The following PBX3 variants were observed in gnomAD, a reference collection of about 807,000 sequenced individuals.
PBX3 encodes PBX homeobox 3.
PBX3 carries 14 observed loss-of-function variants against 48.5 expected under a neutral mutation model. The observed-to-expected ratio is 0.29, with a 90% CI of 0.19 to 0.45. The LOEUF (loss-of-function observed/expected upper bound fraction) is 0.45. PBX3 is among the 20% of genes least tolerant of loss of function. The pLI is 1.00. For missense variants in PBX3, 386 were observed against 546.7 expected (o/e 0.71, Z 2.93); for synonymous variants, 210 against 200.3 (o/e 1.05, Z -0.41).
At chr9:125,752,340 G>A (rs1836398529) in intron 2 of PBX3, among the ~76,000 whole-genome samples, 1 of 152,110 alleles carries the variant, frequency 6.6e-6, no homozygotes, top group Admixed American at 6.6e-5. Flanking sequence ...TGGTTGGGCT[G>A]GTTGAAGTAT....
chr9:125,764,777 T>C (rs938255791), intron 2 of PBX3, among the ~76,000 whole-genome samples: 5 of 152,200 alleles, frequency 3.3e-5, no homozygotes, highest in Admixed American at 6.5e-5. Flanking sequence ...GGGACAGTTA[T>C]AGTAGATTTA....
chr9:125,836,592 G>A (rs891861242), intron 2 of PBX3, among the ~76,000 whole-genome samples: 7 of 152,118 alleles, frequency 4.6e-5, no homozygotes, highest in Admixed American at 3.9e-4. Flanking sequence ...GTGTTTGGTA[G>A]CTCAGTAGGG....
intron 2 of PBX3, among the ~76,000 whole-genome samples, chr9:125,835,723 A>G (rs1478710269): frequency 1.3e-5 from 2 of 152,226 alleles, no homozygotes; most frequent in African/African-American, 2.4e-5. Flanking sequence ...ACATGCTGGC[A>G]AGGATGTAGA....
intron 3 of PBX3, among the ~76,000 whole-genome samples, chr9:125,924,575 CTTTGAA>C (rs1841530008): frequency 6.6e-6 from 1 of 152,198 alleles, no homozygotes; most frequent in Non-Finnish European, 1.5e-5. Context: ...CTGGTTTTCA[CTTTGAA>C]TGGCTCTTGT....
chr9:125,800,968 A>T (rs900103246), intron 2 of PBX3, among the ~76,000 whole-genome samples: 1 of 151,776 alleles, frequency 6.6e-6, no homozygotes, highest in Non-Finnish European at 1.5e-5. Flanking sequence ...GGCCAGGCTG[A>T]TCTCGAACTC....
chr9:125,809,082 A>C (rs1388010302), intron 2 of PBX3, among the ~76,000 whole-genome samples: 1 of 152,242 alleles, frequency 6.6e-6, no homozygotes, highest in Non-Finnish European at 1.5e-5. Flanking sequence ...GCACAAAATT[A>C]CAAAAAACCT....
At chr9:125,841,842 G>C (rs1839297034) in intron 2 of PBX3, among the ~76,000 whole-genome samples, 1 of 152,176 alleles carries the variant, frequency 6.6e-6, no homozygotes, top group Non-Finnish European at 1.5e-5. Flanking sequence ...GTAAACTGCA[G>C]TATTGGTTTA....
intron 2 of PBX3, among the ~76,000 whole-genome samples, chr9:125,909,908 A>C (rs1401716173): frequency 6.6e-6 from 1 of 152,102 alleles, no homozygotes; most frequent in Non-Finnish European, 1.5e-5. Context: ...CTTGAGTGAG[A>C]AGGTTTTGCA....
Position 125,767,003 on chromosome 9 carries a change from C to T in PBX3, c.274+18380C>T, listed in dbSNP as rs1323999823. 1.4e-4 allele frequency among the ~76,000 whole-genome samples: 21 copies of T among 152,128 alleles called. 1 individual carries two copies. Among genetic ancestry groups the T allele is most frequent in the Admixed American group, 1.4e-3 (21 of 15,252 alleles). Reference sequence around the variant, plus strand: ...AGACTTACTTGACTTCTCTGTGTTACAGTCATTGTTGAACTGTTTACTTCC... The same window carrying T: ...AGACTTACTTGACTTCTCTGTGTTATAGTCATTGTTGAACTGTTTACTTCC... On this transcript the variant is annotated intron_variant, in intron 2 of 8. Coordinates refer to ENST00000373489, the MANE Select transcript of PBX3 (RefSeq NM_006195.6).
chr9:125,750,989 A>G (rs990660106), intron 2 of PBX3, among the ~76,000 whole-genome samples: 1 of 152,212 alleles, frequency 6.6e-6, no homozygotes, highest in East Asian at 1.9e-4. Context: ...AAAGCAAAGA[A>G]AGCGGGGCTG....
intron 5 of PBX3, among the ~76,000 whole-genome samples, chr9:125,937,770 C>G (rs1191068088): frequency 6.6e-6 from 1 of 152,130 alleles, no homozygotes; most frequent in Non-Finnish European, 1.5e-5. Context: ...TCAAGCAATC[C>G]TCCTGCCTCA....
intron 8 of PBX3, among the ~76,000 whole-genome samples, chr9:125,964,682 CAG>C (rs1181082658): frequency 6.6e-6 from 1 of 152,102 alleles, no homozygotes; most frequent in African/African-American, 2.4e-5. Flanking sequence ...AATTAGAAGA[CAG>C]GGAGTTCTCC....
intron 2 of PBX3, among the ~76,000 whole-genome samples, chr9:125,819,415 A>G (rs1438396649): frequency 6.6e-6 from 1 of 151,686 alleles, no homozygotes; most frequent in Non-Finnish European, 1.5e-5. Flanking sequence ...AATCCCAGCT[A>G]CTCGGAAGGT....
intron 2 of PBX3, among the ~76,000 whole-genome samples, chr9:125,770,466 A>G (rs954696775): frequency 6.6e-6 from 1 of 152,198 alleles, no homozygotes; most frequent in African/African-American, 2.4e-5. Context: ...ATCTTGTATT[A>G]CCTTGAGATC....
At chr9:125,925,778 TG>T (rs2132499536) in intron 3 of PBX3, among the ~76,000 whole-genome samples, 1 of 152,360 alleles carries the variant, frequency 6.6e-6, no homozygotes, top group African/African-American at 2.4e-5. Context: ...ATTTAATATG[TG>T]GCTCACAATG....
chr9:125,944,413 C>T (rs1813566268), intron 5 of PBX3, among the ~76,000 whole-genome samples: 1 of 152,178 alleles, frequency 6.6e-6, no homozygotes, highest in Admixed American at 6.5e-5. Context: ...ATGTCAGGCA[C>T]TATGCCTGGA....
chr9:125,822,241 C>T (rs1401458550), intron 2 of PBX3, among the ~76,000 whole-genome samples: 1 of 152,044 alleles, frequency 6.6e-6, no homozygotes, highest in Non-Finnish European at 1.5e-5. Flanking sequence ...TATATTGTTT[C>T]TTCTTTATAA....
Position 125,843,276 on chromosome 9 carries a change from A to G in PBX3, c.275-72410A>G, listed in dbSNP as rs185447914. 3.5e-4 allele frequency among the ~76,000 whole-genome samples: 54 copies of G among 152,304 alleles called. No individual in the cohort carries two copies. The East Asian group carries it at 9.4e-3, about 27-fold the overall frequency. On this transcript the variant is annotated intron_variant, in intron 2 of 8. Transcript: ENST00000373489. ...TTGCAAATTTTGTTTTTAAACTAAT[A>G]TCATAAATATCTTCAATTGATTTTA...
intron 2 of PBX3, among the ~76,000 whole-genome samples, chr9:125,902,778 G>A (rs934252135): frequency 5.3e-5 from 8 of 151,632 alleles, no homozygotes; most frequent in Non-Finnish European, 7.4e-5. Context: ...TGTTAACGAC[G>A]TGTTAATTAC....
Sources: allele counts gnomAD v4.1 joint callset (sites outside exome capture counted in the v4.1 genomes callset), GRCh38; gene constraint gnomAD v4.1.1; transcripts MANE v1.5; gene names NCBI Gene and HGNC (gene_info 2026-07-23, HGNC 2026-07-21).